The following RASGRP3 variants were observed in gnomAD, a reference collection of about 807,000 sequenced individuals.
RASGRP3 encodes ras guanyl-releasing protein 3.
A neutral mutation model predicts 82.7 loss-of-function variants in RASGRP3; 54 were observed. That is an observed-to-expected ratio of 0.65 (90% CI 0.52 to 0.82). RASGRP3 has a LOEUF of 0.82. Among genes scored for constraint, RASGRP3 ranks in the 40% least tolerant of loss-of-function variants. The probability of loss-of-function intolerance (pLI) is 0.00; values close to 1 mark genes in which losing one functional copy is unlikely to be tolerated. For synonymous variants in RASGRP3, 309 were observed against 300.5 expected (o/e 1.03, Z -0.29); for missense variants, 861 against 828.9 (o/e 1.04, Z -0.48).
chr2:33,491,056 C>T (rs1162938801), intron 1 of RASGRP3, among the ~76,000 whole-genome samples: 1 of 152,160 alleles, frequency 6.6e-6, no homozygotes, highest in Admixed American at 6.5e-5. Context: ...TGGTTCATGC[C>T]TGTAATCCCA....
intron 8 of RASGRP3, 148 bp from the exon 9 acceptor site, chr2:33,524,284 C>T (rs1672315037): frequency 1.4e-6 from 1 of 712,880 alleles, no homozygotes; most frequent in South Asian, 2.1e-5. Flanking sequence ...AGATATATTT[C>T]TCTGATTCTA....
intron 1 of RASGRP3, among the ~76,000 whole-genome samples, chr2:33,506,105 G>C (rs1423456584): frequency 1.3e-5 from 2 of 152,286 alleles, no homozygotes; most frequent in East Asian, 3.9e-4. Flanking sequence ...GCTCTGAGCT[G>C]GTTATTGACT....
intron 17 of RASGRP3, among the ~76,000 whole-genome samples, chr2:33,562,116 C>T (rs1676730642): frequency 6.6e-6 from 1 of 152,122 alleles, no homozygotes; most frequent in African/African-American, 2.4e-5. Context: ...CTAATTTACA[C>T]TGTGGATTTC....
At chr2:33,449,086 T>C (rs576786046) in intron 2 of RASGRP3, among the ~76,000 whole-genome samples, 43 of 152,322 alleles carry the variant, frequency 2.8e-4, no homozygotes, top group Non-Finnish European at 4.6e-4. Flanking sequence ...TACTCTCTGT[T>C]TGGGGCTTTA....
At position 33,515,082 on chromosome 2, in the gene RASGRP3, A is replaced by G; in HGVS notation, c.-55A>G. ...ATCGCTGACTTGCATGATTATGGAG[A>G]TGGTCTATCTGATGCTGAAAATGTC... On this transcript the variant is annotated 5_prime_UTR_variant, in exon 3 of 18. The change abolishes an upstream ATG in the 5' untranslated region. Coordinates refer to ENST00000403687, the MANE Select transcript of RASGRP3 (RefSeq NM_001139488.2). 6.5e-7 allele frequency: 1 copy of G among 1,530,172 alleles called. No individual in the cohort carries two copies. The highest frequency in any genetic ancestry group is 1.1e-5 in the South Asian group (1 of 89,308). The allele number at this position is 1,530,172 out of a possible 1,614,324, so 94.8% of individuals were successfully genotyped here.
intron 2 of RASGRP3, among the ~76,000 whole-genome samples, chr2:33,462,280 T>C (rs1666413102): frequency 6.6e-6 from 1 of 151,970 alleles, no homozygotes; most frequent in Non-Finnish European, 1.5e-5. Flanking sequence ...GTGTTGATTG[T>C]TGATTTAGAG....
At chr2:33,487,957 A>T (rs1396379225) in intron 1 of RASGRP3, among the ~76,000 whole-genome samples, 1 of 152,190 alleles carries the variant, frequency 6.6e-6, no homozygotes, top group East Asian at 1.9e-4. Context: ...TAAACATTTC[A>T]TCACGTATAT....
chr2:33,514,902 C>T, intron 2 of RASGRP3, 108 bp from the exon 3 acceptor site: 1 of 505,372 alleles, frequency 2.0e-6, no homozygotes, highest in Non-Finnish European at 3.6e-6. Context: ...TTTTCTTGTA[C>T]AAAGATACAG....
At chr2:33,500,314 T>G (rs1669745787) in intron 1 of RASGRP3, among the ~76,000 whole-genome samples, 1 of 152,066 alleles carries the variant, frequency 6.6e-6, no homozygotes, top group African/African-American at 2.4e-5. Flanking sequence ...GCAATCAATC[T>G]GATAATTTGG....
intron 4 of RASGRP3, 48 bp downstream of exon 4, chr2:33,516,692 T>G: frequency 7.9e-7 from 1 of 1,260,102 alleles, no homozygotes; most frequent in Non-Finnish European, 1.1e-6. Flanking sequence ...AATCAAGCTC[T>G]GTATTTAGAT....
At position 33,524,048 on chromosome 2, in the gene RASGRP3, C is replaced by T; in HGVS notation, c.686C>T (p.Ala229Val). The change falls in exon 8 of 18, where the codon GCA (alanine) becomes GTA (valine). Residue 229 changes from alanine to valine, a missense_variant. By Grantham distance (64) the Ala-to-Val change is moderately conservative. Transcript: ENST00000403687. ...AEVITKFINV[A>V]KKLLQLKNFN... is the part of the protein sequence containing the mutation. ...GTCATCACAAAGTTTATCAATGTTGCAAAGGTATGTCTGGTAATCAGACTG... is the reference window on the plus strand; with the variant it reads ...GTCATCACAAAGTTTATCAATGTTGTAAAGGTATGTCTGGTAATCAGACTG... 6.2e-6 allele frequency: 10 copies of T among 1,613,682 alleles called. No homozygotes were observed. Among genetic ancestry groups the T allele is most frequent in the African/African-American group, 1.3e-5 (1 of 75,044 alleles).
At chr2:33,482,757 C>T (rs1439563755) in intron 1 of RASGRP3, 1 of 152,176 alleles carries the variant, frequency 6.6e-6, no homozygotes, top group East Asian at 1.9e-4. Context: ...AATAGCAGTG[C>T]ATGTTGCCTG....
At chr2:33,555,719 A>T (rs538787570) in intron 15 of RASGRP3, among the ~76,000 whole-genome samples, 152 bp downstream of exon 15, 1 of 152,252 alleles carries the variant, frequency 6.6e-6, no homozygotes, top group African/African-American at 2.4e-5. Context: ...TCTGAGGAGG[A>T]GTTTCTGGAG....
intron 2 of RASGRP3, among the ~76,000 whole-genome samples, chr2:33,450,822 CT>C (rs1170217165): frequency 3.6e-3 from 68 of 18,968 alleles, no homozygotes; most frequent in Admixed American, 0.013. Context: ...TTCTTTCTTT[CT>C]TTTTTTTTTT....
intron 5 of RASGRP3, 51 bp downstream of exon 5, chr2:33,520,065 T>C (rs1248134437): frequency 2.1e-6 from 3 of 1,427,942 alleles, no homozygotes; most frequent in African/African-American, 1.4e-5. Flanking sequence ...TCTGGAATCG[T>C]GGACAATTTC....
intron 2 of RASGRP3, among the ~76,000 whole-genome samples, chr2:33,462,664 C>T (rs1427721824): frequency 6.6e-6 from 1 of 152,338 alleles, no homozygotes; most frequent in Non-Finnish European, 1.5e-5. Flanking sequence ...AGGCGTGAGC[C>T]ACTGCGCCGG....
At chr2:33,509,737 G>A (rs1264857131) in intron 1 of RASGRP3, among the ~76,000 whole-genome samples, 1 of 152,116 alleles carries the variant, frequency 6.6e-6, no homozygotes. Flanking sequence ...GGCAAGGATT[G>A]TATCTGTCTT....
At chr2:33,511,493 G>C (rs916985717) in intron 1 of RASGRP3, among the ~76,000 whole-genome samples, 1 of 152,132 alleles carries the variant, frequency 6.6e-6, no homozygotes, top group Non-Finnish European at 1.5e-5. Context: ...TTTTTAATAG[G>C]CTGCAAAAAG....
At chr2:33,544,377 C>T (rs1371417908) in intron 13 of RASGRP3, among the ~76,000 whole-genome samples, 1 of 151,830 alleles carries the variant, frequency 6.6e-6, no homozygotes, top group Non-Finnish European at 1.5e-5. Context: ...AGCCAAGAAG[C>T]ATTCATGCTT....
Sources: allele counts gnomAD v4.1 joint callset (sites outside exome capture counted in the v4.1 genomes callset), GRCh38; gene constraint gnomAD v4.1.1; transcripts MANE v1.5; gene names NCBI Gene and HGNC (gene_info 2026-07-23, HGNC 2026-07-21).